IL17D: variants seen among roughly 807,000 people sequenced by gnomAD.
IL17D encodes the protein interleukin 17D.
IL17D carries 10 observed loss-of-function variants against 5.7 expected under a neutral mutation model. That is an observed-to-expected ratio of 1.75 (90% confidence interval 1.08 to 2.97). The LOEUF (loss-of-function observed/expected upper bound fraction) is 2.97. Ranked by LOEUF, IL17D falls within the 30% of genes most tolerant of loss-of-function variation. The pLI is 0.00. For missense variants in IL17D, 354 were observed against 292.7 expected (o/e 1.21, Z -1.53); for synonymous variants, 172 against 141.7 (o/e 1.21, Z -1.52).
intron 1 of IL17D, among the ~76,000 whole-genome samples, chr13:20,717,833 G>A (rs1427744352): frequency 6.6e-6 from 1 of 151,940 alleles, no homozygotes. Flanking sequence ...CAAGTCCAGT[G>A]CAGGGCTGCG....
intron 1 of IL17D, among the ~76,000 whole-genome samples, chr13:20,720,178 A>G (rs1423122891): frequency 6.6e-6 from 1 of 152,112 alleles, no homozygotes; most frequent in Non-Finnish European, 1.5e-5. Flanking sequence ...CTCCCCGGGA[A>G]GTCGGTGTAC....
Position 20,721,998 on chromosome 13 carries a change from G to A in IL17D, c.*44G>A, listed in dbSNP as rs1459354124. ...AGGTCTCCCCGGCCCGCATCCCGAG[G>A]CGCCCAAGCTGGAGCCGCCTGGAGG... is the stretch of plus-strand genomic sequence containing the variant. On this transcript the variant is annotated 3_prime_UTR_variant, in exon 2 of 2. Coordinates refer to ENST00000682841, the MANE Select transcript of IL17D (RefSeq NM_001385224.1). The A allele has an allele frequency of 2.7e-6, 4 of 1,493,728 alleles. No individual in the cohort carries two copies. In the South Asian group the frequency reaches 3.9e-5, roughly 15 times the overall value. 92.5% of individuals were successfully genotyped at this position (1,493,728 alleles called of 1,614,324 possible). A position where few individuals can be genotyped will look rare whatever the true frequency, so the allele number is the denominator to read the frequency against.
At chr13:20,710,009 G>A (rs1321018804) in intron 1 of IL17D, among the ~76,000 whole-genome samples, 1 of 152,226 alleles carries the variant, frequency 6.6e-6, no homozygotes, top group East Asian at 1.9e-4. Context: ...GAAGGTATTG[G>A]CCCCAGGTGA....
At chr13:20,715,228 G>A (rs1013969538) in intron 1 of IL17D, among the ~76,000 whole-genome samples, 1 of 151,550 alleles carries the variant, frequency 6.6e-6, no homozygotes, top group African/African-American at 2.4e-5. Context: ...CCAGCCCCCC[G>A]CTCCACTCTA....
At chr13:20,713,858 T>C (rs1303779689) in intron 1 of IL17D, 1 of 152,286 alleles carries the variant, frequency 6.6e-6, no homozygotes, top group Non-Finnish European at 1.5e-5. Flanking sequence ...CCGGAAACTC[T>C]TCCGGAATTA....
At position 20,721,686 on chromosome 13, in the gene IL17D, G is replaced by C. The variant is rs1281646432; in HGVS notation, c.341G>C (p.Cys114Ser). 1.2e-6 allele frequency: 2 copies of C among 1,610,956 alleles called. No individual in the cohort carries two copies. The highest frequency in any genetic ancestry group is 1.7e-6 in the Non-Finnish European group (2 of 1,178,958). Residue 114 changes from cysteine to serine, a missense_variant, in exon 2 of 2, where the codon TGC (cysteine) becomes TCC (serine). Physicochemically the swap from Cys to Ser is moderately radical, Grantham distance 112. Coordinates refer to ENST00000682841, the MANE Select transcript of IL17D (RefSeq NM_001385224.1). ...CCCAGGTACCTGCCTGAAGCCTACT[G>C]CCTGTGCCGGGGCTGCCTGACCGGG... ...RYPRYLPEAY[C>S]LCRGCLTGLF...
chr13:20,711,084 G>A (rs925542265), intron 1 of IL17D, among the ~76,000 whole-genome samples: 8 of 151,914 alleles, frequency 5.3e-5, no homozygotes, highest in African/African-American at 1.7e-4. Context: ...GACCAACACG[G>A]AGAAACCCCA....
At chr13:20,709,498 G>T (rs2058617431) in intron 1 of IL17D, among the ~76,000 whole-genome samples, 1 of 152,140 alleles carries the variant, frequency 6.6e-6, no homozygotes, top group South Asian at 2.1e-4. Context: ...CCAATACAAA[G>T]CGGGGAAAGG....
At chr13:20,717,893 A>T (rs1056603274) in intron 1 of IL17D, among the ~76,000 whole-genome samples, 20 of 152,064 alleles carry the variant, frequency 1.3e-4, no homozygotes, top group Admixed American at 1.1e-3. Flanking sequence ...CATCCAAGTG[A>T]CTGTCAGTTA....
In IL17D at chr13:20,716,053, AG is replaced by A; in HGVS notation, c.291-5581del. ...CCCGGCCAGAATCGACACTTTTAAC[AG>A]GAGTCCCATATAGGCCTCATGCCGG... On this transcript the variant is annotated intron_variant, in intron 1 of 1. Coordinates refer to ENST00000682841, the MANE Select transcript of IL17D (RefSeq NM_001385224.1). This position sits in a 1 kb window ranked among gnomAD's most constrained non-coding sequence, Gnocchi z 4.2. The A allele has an allele frequency of 1.0e-6, 1 of 983,858 alleles. No homozygotes were observed. Among genetic ancestry groups the A allele is most frequent in the African/African-American group, 1.7e-5 (1 of 57,346 alleles). The allele number at this position is 983,858 out of a possible 1,614,324, so 60.9% of individuals were successfully genotyped here.
At position 20,716,908 on chromosome 13, in the gene IL17D, C is replaced by CG. The variant is rs1193672167; in HGVS notation, c.291-4727dup. Among the ~76,000 whole-genome samples, 2 of 152,226 alleles carry CG rather than the reference C, an allele frequency of 1.3e-5. No individual in the cohort carries two copies. The highest frequency in any genetic ancestry group is 2.9e-5 in the Non-Finnish European group (2 of 68,038). On this transcript the variant is annotated intron_variant, in intron 1 of 1. Transcript: ENST00000682841. This position sits in a 1 kb window ranked among gnomAD's most constrained non-coding sequence, Gnocchi z 4.2. ...TGGGAGGGTGAGCCACATCAAGGCG[C>CG]GTGTGCCAACCAGCGCCCCAGCTAT...
chr13:20,702,848 CTT>C (rs1179419489), upstream of IL17D: 5 of 152,190 alleles, frequency 3.3e-5, no homozygotes, highest in African/African-American at 1.2e-4. Context: ...CTCCTCCCAC[CTT>C]ATTAAAAATA....
At position 20,721,703 on chromosome 13, in the gene IL17D, C is replaced by A. The variant is rs2058737001; in HGVS notation, c.358C>A (p.Leu120Met). 4 of 1,611,216 alleles carry A rather than the reference C, an allele frequency of 2.5e-6. No homozygotes were observed. In the South Asian group the frequency reaches 3.3e-5, roughly 13 times the overall value. The change falls in exon 2 of 2, where the codon CTG (leucine) becomes ATG (methionine). Residue 120 changes from leucine (L) to methionine (M), a missense_variant. Coordinates refer to ENST00000682841, the MANE Select transcript of IL17D (RefSeq NM_001385224.1). Reference sequence around the variant, plus strand: ...AGCCTACTGCCTGTGCCGGGGCTGCCTGACCGGGCTGTTCGGCGAGGAGGA... The same window carrying A: ...AGCCTACTGCCTGTGCCGGGGCTGCATGACCGGGCTGTTCGGCGAGGAGGA... ...PEAYCLCRGC[L>M]TGLFGEEDVR...
In IL17D at chr13:20,718,745, CACCT is replaced by C. The variant is rs1382301915; in HGVS notation, c.291-2890_291-2887del. ...TTACACACATGGCTACGCTCACACA[CACCT>C]GCCTGTGCTCACACACCCGCCCATG... On this transcript the variant is annotated intron_variant, in intron 1 of 1. Coordinates refer to ENST00000682841, the MANE Select transcript of IL17D (RefSeq NM_001385224.1). 5.2e-5 allele frequency among the ~76,000 whole-genome samples: 6 copies of C among 116,178 alleles called. No homozygotes were observed. In the South Asian group the frequency reaches 1.8e-3, roughly 36 times the overall value. The allele number at this position is 116,178 out of a possible 152,430, so 76.2% of individuals were successfully genotyped here.
chr13:20,710,356 G>A (rs2058624875), intron 1 of IL17D, among the ~76,000 whole-genome samples: 1 of 148,680 alleles, frequency 6.7e-6, no homozygotes, highest in African/African-American at 2.5e-5. Flanking sequence ...GCTCACACCT[G>A]TAATCCCAGC....
intron 1 of IL17D, among the ~76,000 whole-genome samples, chr13:20,719,452 TCA>T (rs1012852764): frequency 5.9e-5 from 8 of 136,674 alleles, no homozygotes; most frequent in African/African-American, 2.0e-4. Flanking sequence ...CTTGCCTCGC[TCA>T]CACACACCTG....
Position 20,722,059 on chromosome 13 carries a change from C to A in IL17D, c.*105C>A. 2 of 939,748 alleles carry A rather than the reference C, an allele frequency of 2.1e-6. No homozygotes were observed. The highest frequency in any genetic ancestry group is 3.1e-6 in the Non-Finnish European group (2 of 654,354). 58.2% of individuals were successfully genotyped at this position (939,748 alleles called of 1,614,324 possible). Reference sequence around the variant, plus strand: ...CGACCTCTGAAGAGAGTGCACCGAGCAAACCAAGTGCCGGAGCACCAGCGC... The same window carrying A: ...CGACCTCTGAAGAGAGTGCACCGAGAAAACCAAGTGCCGGAGCACCAGCGC... On this transcript the variant is annotated 3_prime_UTR_variant, in exon 2 of 2. Transcript: ENST00000682841.
chr13:20,710,543 C>G (rs538327686), intron 1 of IL17D, among the ~76,000 whole-genome samples: 67 of 142,562 alleles, frequency 4.7e-4, no homozygotes, highest in African/African-American at 1.4e-3. Flanking sequence ...GCAGGAGAAT[C>G]ACTTGAACCT....
chr13:20,710,561 G>C (rs1268282214), intron 1 of IL17D, among the ~76,000 whole-genome samples: 2 of 148,928 alleles, frequency 1.3e-5, no homozygotes, highest in Non-Finnish European at 3.0e-5. Flanking sequence ...CCTGGGAGGC[G>C]GAGGTTGCGG....
Sources: gnomAD v4.1 joint callset for allele counts (sites outside exome capture counted in the v4.1 genomes callset) on GRCh38, gnomAD v4.1.1 for gene constraint, Gnocchi (gnomAD v3.1) non-coding constraint, MANE v1.5 for transcripts, NCBI Gene and HGNC (gene_info 2026-07-23, HGNC 2026-07-21) for gene names.